The following CATSPERT variants were observed in gnomAD, a reference collection of about 807,000 sequenced individuals.
The protein encoded by CATSPERT is catsper channel auxiliary subunit tau.
At chr2:201,592,869 TC>T in the CATSPERT span, among the ~76,000 whole-genome samples, 3 of 151,984 alleles carry the variant, frequency 2.0e-5, no homozygotes, top group Admixed American at 1.3e-4. Flanking sequence ...GATTCTTCTC[TC>T]TTTTTTTCTT....
chr2:201,547,546 CTAAA>C, the CATSPERT span: 1 of 1,560,946 alleles, frequency 6.4e-7, no homozygotes, highest in Non-Finnish European at 8.7e-7. Flanking sequence ...AGAATGCTTT[CTAAA>C]TAGTTAGCTT....
At chr2:201,603,382 T>A in the CATSPERT span, 2 of 902,374 alleles carry the variant, frequency 2.2e-6, no homozygotes, top group Non-Finnish European at 3.2e-6. Flanking sequence ...TCCACGTTGT[T>A]GGTTTTTCTC....
chr2:201,611,760 AG>A, the CATSPERT span, among the ~76,000 whole-genome samples: 3 of 152,194 alleles, frequency 2.0e-5, no homozygotes, highest in African/African-American at 7.2e-5. Context: ...GATGAATGCT[AG>A]TATCCCTAAC....
At chr2:201,512,071 T>C in the CATSPERT span, among the ~76,000 whole-genome samples, 1 of 152,088 alleles carries the variant, frequency 6.6e-6, no homozygotes, top group Non-Finnish European at 1.5e-5. Context: ...TACTGGAATA[T>C]ATGTTTAGTG....
At chr2:201,558,057 C>T in the CATSPERT span, 2 of 152,222 alleles carry the variant, frequency 1.3e-5, no homozygotes, top group Non-Finnish European at 2.9e-5. Flanking sequence ...ATTGCTAACA[C>T]ATCATAACCT....
chr2:201,563,311 C>T, the CATSPERT span, among the ~76,000 whole-genome samples: 3 of 128,712 alleles, frequency 2.3e-5, no homozygotes, highest in African/African-American at 3.0e-5. Context: ...GCTGGCCGGG[C>T]GGGGGGCTGA....
At chr2:201,618,526 C>T in the CATSPERT span, among the ~76,000 whole-genome samples, 9 of 118,620 alleles carry the variant, frequency 7.6e-5, no homozygotes, top group Admixed American at 1.1e-4. Context: ...TACTTGGACA[C>T]GGGGGGGGAA....
chr2:201,535,508 TTTTA>T, the CATSPERT span: 3 of 922,938 alleles, frequency 3.3e-6, no homozygotes, highest in African/African-American at 5.3e-5. Flanking sequence ...AATATAATAG[TTTTA>T]TTAAGAATTT....
At chr2:201,488,067 C>G in the CATSPERT span, among the ~76,000 whole-genome samples, 2 of 152,172 alleles carry the variant, frequency 1.3e-5, no homozygotes, top group Admixed American at 1.3e-4. Flanking sequence ...AAACACTGAA[C>G]GTTTCTTAGG....
At chr2:201,549,409 C>T in the CATSPERT span, among the ~76,000 whole-genome samples, 1 of 151,930 alleles carries the variant, frequency 6.6e-6, no homozygotes, top group Middle Eastern at 3.2e-3. Context: ...GAACTCTCAT[C>T]TAAAAATTTC....
the CATSPERT span, among the ~76,000 whole-genome samples, chr2:201,560,442 A>G: frequency 1.3e-5 from 1 of 76,714 alleles, no homozygotes; most frequent in Non-Finnish European, 2.6e-5. Flanking sequence ...TAATAATAAT[A>G]ATAATAATAA....
the CATSPERT span, among the ~76,000 whole-genome samples, chr2:201,583,354 T>G: frequency 1.3e-5 from 2 of 152,198 alleles, no homozygotes; most frequent in Non-Finnish European, 2.9e-5. Flanking sequence ...CCATCACATC[T>G]ACAGAAGGCT....
chr2:201,493,538 T>A, the CATSPERT span: 2 of 1,536,984 alleles, frequency 1.3e-6, no homozygotes, highest in Non-Finnish European at 1.7e-6. Context: ...AGTGTATCTA[T>A]AGGAAATGCT....
At chr2:201,599,930 C>A in the CATSPERT span, among the ~76,000 whole-genome samples, 14 of 152,240 alleles carry the variant, frequency 9.2e-5, no homozygotes, top group African/African-American at 2.6e-4. Context: ...GTGTTGCCTC[C>A]AGCAAAACTA....
the CATSPERT span, among the ~76,000 whole-genome samples, chr2:201,581,562 A>G: frequency 4.5e-5 from 3 of 66,126 alleles, no homozygotes; most frequent in Non-Finnish European, 8.3e-5. Context: ...ATATATATAT[A>G]TATATATATA....
the CATSPERT span, among the ~76,000 whole-genome samples, chr2:201,590,475 A>T: frequency 6.6e-6 from 1 of 151,980 alleles, no homozygotes; most frequent in Non-Finnish European, 1.5e-5. Flanking sequence ...TAGCAGCATG[A>T]TTTATAGTCC....
At chr2:201,511,865 A>C in the CATSPERT span, 3 of 147,012 alleles carry the variant, frequency 2.0e-5, no homozygotes, top group African/African-American at 2.5e-5. Flanking sequence ...AAAAAAAAAA[A>C]AAAAAAAACT....
the CATSPERT span, among the ~76,000 whole-genome samples, chr2:201,590,311 G>C: frequency 1.3e-5 from 2 of 151,882 alleles, no homozygotes; most frequent in African/African-American, 4.8e-5. Context: ...CAAAGGACAT[G>C]AACTCATCAT....
chr2:201,604,287 C>A, the CATSPERT span, among the ~76,000 whole-genome samples: 6 of 152,018 alleles, frequency 3.9e-5, no homozygotes, highest in Non-Finnish European at 1.5e-5. Context: ...ACTTTAAGAG[C>A]TCAGTAAAAT....
Sources: gnomAD v4.1 joint callset for allele counts (sites outside exome capture counted in the v4.1 genomes callset) on GRCh38, gnomAD v4.1.1 for gene constraint, MANE v1.5 for transcripts, NCBI Gene and HGNC (gene_info 2026-07-23, HGNC 2026-07-21) for gene names.